ADAMTS15: variants seen among roughly 807,000 people sequenced by gnomAD.
ADAMTS15 encodes the protein ADAM metallopeptidase with thrombospondin type 1 motif 15, also known as A disintegrin and metalloproteinase with thrombospondin motifs 15.
In ADAMTS15, 35 loss-of-function variants were observed where a neutral mutation model predicts 79.1. The ratio of observed to expected loss-of-function variants is 0.44; its 90% confidence interval spans 0.34 to 0.59. The LOEUF (loss-of-function observed/expected upper bound fraction) is 0.59, where lower values mean the gene tolerates loss of function less well. Among genes scored for constraint, ADAMTS15 ranks in the 20% least tolerant of loss-of-function variants. The pLI is 0.02. For synonymous variants in ADAMTS15, 616 were observed against 567.3 expected (o/e 1.09, Z -1.22); for missense variants, 1,324 against 1,318.7 (o/e 1.00, Z -0.06).
intron 2 of ADAMTS15, among the ~76,000 whole-genome samples, 185 bp downstream of exon 2, chr11:130,461,806 T>C (rs1938204797): frequency 6.6e-6 from 1 of 152,176 alleles, no homozygotes; most frequent in African/African-American, 2.4e-5. Flanking sequence ...AATGACGTGG[T>C]TTGAGCCCCT....
rs1937891725 is a variant in ADAMTS15, at chr11:130,449,046, G to C, written c.73G>C (p.Val25Leu). ...TGGAGGCTCTGAGCCAGAGCGGGAG[G>C]TAGTCGTTCCCATCCGACTGGACCC... ...TAGGSEPERE[V>L]VVPIRLDPDI... Residue 25 changes from valine (V) to leucine (L), a missense_variant, in exon 1 of 8, where the codon GTA (valine) becomes CTA (leucine). Val to Leu is a conservative substitution (Grantham distance 32). Coordinates refer to ENST00000299164, the MANE Select transcript of ADAMTS15 (RefSeq NM_139055.4). The surrounding 1 kb of genome is among the most constrained non-coding windows in gnomAD (Gnocchi z 7.8). The C allele has an allele frequency of 6.5e-7, 1 of 1,542,600 alleles. No homozygotes were observed. Among genetic ancestry groups the C allele is most frequent in the Non-Finnish European group, 8.8e-7 (1 of 1,142,018 alleles).
At position 130,470,172 on chromosome 11, in the gene ADAMTS15, A is replaced by G. The variant is rs1391671052; in HGVS notation, c.1720+733A>G. On this transcript the variant is annotated intron_variant, in intron 5 of 7. Coordinates refer to ENST00000299164, the MANE Select transcript of ADAMTS15 (RefSeq NM_139055.4). Reference sequence around the variant, plus strand: ...TATATGTGTATATATATATATATATATATATATATGTGTGTATATATATAT... The same window carrying G: ...TATATGTGTATATATATATATATATGTATATATATGTGTGTATATATATAT... Among the ~76,000 whole-genome samples, 457 of 58,204 alleles carry G rather than the reference A, an allele frequency of 7.9e-3. 42 individuals are homozygous for G. The highest frequency in any genetic ancestry group is 0.03 in the African/African-American group (298 of 9,956). 38.2% of individuals were successfully genotyped at this position (58,204 alleles called of 152,430 possible). A position where few individuals can be genotyped will look rare whatever the true frequency, so the allele number is the denominator to read the frequency against.
At chr11:130,470,149 T>TACACAC (rs879617627) in intron 5 of ADAMTS15, among the ~76,000 whole-genome samples, 6 of 59,874 alleles carry the variant, frequency 1.0e-4, no homozygotes, top group African/African-American at 3.8e-4. Context: ...TATATATATA[T>TACACAC]ATGTGTATAT....
rs1938530426 is a variant in ADAMTS15, at chr11:130,474,220, G to A, written c.*399G>A. 1 of 199,690 alleles carries A rather than the reference G, an allele frequency of 5.0e-6. No homozygotes were observed. Among genetic ancestry groups the A allele is most frequent in the African/African-American group, 2.3e-5 (1 of 43,236 alleles). The allele number at this position is 199,690 out of a possible 1,614,324, so 12.4% of individuals were successfully genotyped here. On this transcript the variant is annotated 3_prime_UTR_variant, in exon 8 of 8. Transcript: ENST00000299164. The stretch of plus-strand genomic sequence containing the variant: ...TGTCCCAGCAGCTTGGCACCCTCAG[G>A]TGGCCCCATGGGCTCTGAGCCGTGT...
chr11:130,472,946 A>G lies in ADAMTS15; in HGVS notation c.2079-101A>G. The G allele has an allele frequency of 6.6e-7, 1 of 1,508,386 alleles. No individual in the cohort carries two copies. Among genetic ancestry groups the G allele is most frequent in the East Asian group, 2.3e-5 (1 of 44,096 alleles). The allele number at this position is 1,508,386 out of a possible 1,614,324, so 93.4% of individuals were successfully genotyped here. A position where few individuals can be genotyped will look rare whatever the true frequency, so the allele number is the denominator to read the frequency against. The stretch of plus-strand genomic sequence containing the variant: ...CCTGTGCTTTTACTCCCATGCCAGA[A>G]TTCACCGAAAGCTAGGTTTACTGAG... On this transcript the variant is annotated intron_variant, in intron 7 of 7. Transcript: ENST00000299164. The surrounding 1 kb of genome is among the most constrained non-coding windows in gnomAD (Gnocchi z 4.7).
Position 130,449,900 on chromosome 11 carries a change from C to A in ADAMTS15, c.927C>A (p.Tyr309Ter), listed in dbSNP as rs756127891. ...AAGTGAGTGACAAGCACCCCGAGTA[C>A]TGGGACACTGCCATCCTCTTCACCA... ...LNKVSDKHPE[Y>*]WDTAILFTRQ... is the part of the protein sequence containing the mutation. The change falls in exon 1 of 8, where the codon TAC (tyrosine) becomes TAA (stop). Residue 309 changes from tyrosine (Y) to a stop codon, truncating the protein, a stop_gained. Coordinates refer to ENST00000299164, the MANE Select transcript of ADAMTS15 (RefSeq NM_139055.4). LOFTEE classifies it high-confidence loss of function. The surrounding 1 kb of genome is among the most constrained non-coding windows in gnomAD (Gnocchi z 7.8). The A allele has an allele frequency of 6.2e-7, 1 of 1,600,472 alleles. No homozygotes were observed. The highest frequency in any genetic ancestry group is 1.3e-5 in the African/African-American group (1 of 75,078).
intron 1 of ADAMTS15, among the ~76,000 whole-genome samples, chr11:130,453,474 A>G (rs192653201): frequency 5.5e-4 from 83 of 152,030 alleles, no homozygotes; most frequent in Non-Finnish European, 8.4e-4. Context: ...TTTTAGAGAT[A>G]GGGTCTCATT....
At position 130,449,318 on chromosome 11, in the gene ADAMTS15, T is replaced by A; in HGVS notation, c.345T>A (p.Ala115=). The A allele has an allele frequency of 6.2e-7, 1 of 1,610,460 alleles. No homozygotes were observed. Among genetic ancestry groups the A allele is most frequent in the Non-Finnish European group, 8.5e-7 (1 of 1,180,008 alleles). The change falls in exon 1 of 8, where the codon GCT becomes GCA. Residue 115 remains alanine, a synonymous_variant. Coordinates refer to ENST00000299164, the MANE Select transcript of ADAMTS15 (RefSeq NM_139055.4). The surrounding 1 kb of genome is among the most constrained non-coding windows in gnomAD (Gnocchi z 7.8). ...GDVNAEPDSF[A]AVSLCGGLRG... ...TGAACGCCGAGCCGGACTCGTTCGC[T>A]GCTGTGAGCCTGTGCGGGGGGCTCC...
Position 130,450,100 on chromosome 11 carries a change from C to T in ADAMTS15, c.957+170C>T, listed in dbSNP as rs61400687. On this transcript the variant is annotated intron_variant, in intron 1 of 7. Coordinates refer to ENST00000299164, the MANE Select transcript of ADAMTS15 (RefSeq NM_139055.4). ...TCCAGGGAGAGCCCTCTCCCACGCT[C>T]CGCGGAGCGGCGGCTCACGTGCATC... The T allele has an allele frequency of 1.5e-3, 1,442 of 985,504 alleles. 25 individuals are homozygous for T. In the African/African-American group the frequency reaches 0.023, roughly 16 times the overall value. 61.0% of individuals were successfully genotyped at this position (985,504 alleles called of 1,614,324 possible).
Position 130,473,515 on chromosome 11 carries a change from G to T in ADAMTS15, c.2547G>T (p.Gly849=), listed in dbSNP as rs759877073. The T allele has an allele frequency of 6.2e-7, 1 of 1,609,088 alleles. No individual in the cohort carries two copies. Among genetic ancestry groups the T allele is most frequent in the Non-Finnish European group, 8.5e-7 (1 of 1,177,472 alleles). ...CACGCTGGGTGGCTGGCAGCTGGGG[G>T]CCGTGCTCCGCGAGCTGCGGCAGTG... ...PPARWVAGSW[G]PCSASCGSGL... Residue 849 remains glycine, a synonymous_variant, in exon 8 of 8, where the codon GGG becomes GGT. Coordinates refer to ENST00000299164, the MANE Select transcript of ADAMTS15 (RefSeq NM_139055.4).
rs1007593859 is a variant in ADAMTS15, at chr11:130,474,468, C to T, written c.*647C>T. ...GCCCTCCTATAAAGAAGCAGCCTCT[C>T]CTTCCTCTGATGTGCAGGGTGTAGG... On this transcript the variant is annotated 3_prime_UTR_variant, in exon 8 of 8. Transcript: ENST00000299164. The T allele has an allele frequency of 6.6e-6, 1 of 152,416 alleles. No homozygotes were observed. Among genetic ancestry groups the T allele is most frequent in the Non-Finnish European group, 1.5e-5 (1 of 68,250 alleles). 9.4% of individuals were successfully genotyped at this position (152,416 alleles called of 1,614,324 possible).
rs575044968 is a variant in ADAMTS15 at position 130,471,854 on chromosome 11, G to C, written c.2078+471G>C. On this transcript the variant is annotated intron_variant, in intron 7 of 7. Transcript: ENST00000299164. ...GGAGTTAGTCCAAGTAACACGGTTA[G>C]CATCGTAGCTTCACCTTGATGAGGC... Among the ~76,000 whole-genome samples, 11 of 152,348 alleles carry C rather than the reference G, an allele frequency of 7.2e-5. No homozygotes were observed. The South Asian group carries it at 2.3e-3, about 32-fold the overall frequency.
Position 130,474,916 on chromosome 11 carries a change from C to G in ADAMTS15, c.*1095C>G, listed in dbSNP as rs1472066788. The G allele has an allele frequency of 6.6e-5, 10 of 152,474 alleles. No individual in the cohort carries two copies. The East Asian group carries it at 1.4e-3, about 21-fold the overall frequency. The allele number at this position is 152,474 out of a possible 1,614,324, so 9.4% of individuals were successfully genotyped here. ...GGGCTAGGTGCTGAACATCTATGTG[C>G]CTATAAACTCGTCTTCGTTCCAAAC... On this transcript the variant is annotated 3_prime_UTR_variant, in exon 8 of 8. Transcript: ENST00000299164.
Position 130,448,822 on chromosome 11 carries a change from G to C in ADAMTS15, c.-152G>C. ...GGGTGCACGCTCGCCGCCCTGGGAGGAGTCTCCCTCCCTTGGCTCTCCTTT... is the reference window on the plus strand; with the variant it reads ...GGGTGCACGCTCGCCGCCCTGGGAGCAGTCTCCCTCCCTTGGCTCTCCTTT... On this transcript the variant is annotated 5_prime_UTR_variant, in exon 1 of 8. Transcript: ENST00000299164. The C allele has an allele frequency of 3.8e-6, 2 of 530,588 alleles. No homozygotes were observed. Among genetic ancestry groups the C allele is most frequent in the Non-Finnish European group, 5.8e-6 (2 of 342,062 alleles). 32.9% of individuals were successfully genotyped at this position (530,588 alleles called of 1,614,324 possible). A position where few individuals can be genotyped will look rare whatever the true frequency, so the allele number is the denominator to read the frequency against.
In ADAMTS15 at chr11:130,474,926, C is replaced by T. The variant is rs189129069; in HGVS notation, c.*1105C>T. The T allele has an allele frequency of 1.4e-3, 208 of 152,464 alleles. 3 individuals carry two copies. Among genetic ancestry groups the T allele is most frequent in the Middle Eastern group, 3.4e-3 (1 of 294 alleles). 9.4% of individuals were successfully genotyped at this position (152,464 alleles called of 1,614,324 possible). A position where few individuals can be genotyped will look rare whatever the true frequency, so the allele number is the denominator to read the frequency against. ...CTGAACATCTATGTGCCTATAAACTCGTCTTCGTTCCAAACAGCTACTGCT... is the reference window on the plus strand; with the variant it reads ...CTGAACATCTATGTGCCTATAAACTTGTCTTCGTTCCAAACAGCTACTGCT... On this transcript the variant is annotated 3_prime_UTR_variant, in exon 8 of 8. Transcript: ENST00000299164.
chr11:130,468,113 T>G (rs1938341346), intron 4 of ADAMTS15, among the ~76,000 whole-genome samples: 1 of 152,232 alleles, frequency 6.6e-6, no homozygotes, highest in Non-Finnish European at 1.5e-5. Context: ...TTTCCTTTTA[T>G]TCCCGGCAAG....
chr11:130,467,011 G>T (rs1938314644), intron 4 of ADAMTS15, among the ~76,000 whole-genome samples: 1 of 152,104 alleles, frequency 6.6e-6, no homozygotes, highest in African/African-American at 2.4e-5. Context: ...CATTTTTATT[G>T]TCTGTCTCCC....
At chr11:130,469,487 T>C in intron 5 of ADAMTS15, 48 bp downstream of exon 5, 1 of 1,283,282 alleles carries the variant, frequency 7.8e-7, no homozygotes, top group Non-Finnish European at 9.9e-7. Flanking sequence ...GAGGTGAGGC[T>C]GGAGGTCCCC....
At chr11:130,460,232 G>A (rs1333630512) in intron 1 of ADAMTS15, among the ~76,000 whole-genome samples, 2 of 151,912 alleles carry the variant, frequency 1.3e-5, no homozygotes, top group Admixed American at 6.6e-5. Flanking sequence ...TAAAGGCAGC[G>A]ATGTAATGAG....
Sources: gnomAD v4.1 joint callset for allele counts (sites outside exome capture counted in the v4.1 genomes callset) on GRCh38, gnomAD v4.1.1 for gene constraint, Gnocchi (gnomAD v3.1) non-coding constraint, MANE v1.5 for transcripts, NCBI Gene and HGNC (gene_info 2026-07-23, HGNC 2026-07-21) for gene names.